The following KHDRBS2 variants were observed in gnomAD, a reference collection of about 807,000 sequenced individuals.
The protein encoded by KHDRBS2 is KH RNA binding domain containing, signal transduction associated 2.
In KHDRBS2, 26 loss-of-function variants were observed where a neutral mutation model predicts 44.3. The observed-to-expected ratio is 0.59, with a 90% CI of 0.43 to 0.81. The LOEUF (loss-of-function observed/expected upper bound fraction) is 0.81, where lower values mean the gene tolerates loss of function less well. KHDRBS2 is among the 40% of genes least tolerant of loss of function. The pLI is 0.00. For missense variants in KHDRBS2, 476 were observed against 433.1 expected (o/e 1.10, Z -0.88); for synonymous variants, 194 against 151.1 (o/e 1.28, Z -2.08).
Position 62,117,397 on chromosome 6 carries a change from C to A in KHDRBS2, c.219+59788G>T, listed in dbSNP as rs1401956755. Among the ~76,000 whole-genome samples the A allele has an allele frequency of 3.3e-5, 5 of 151,812 alleles. No individual in the cohort carries two copies. The East Asian group carries it at 9.6e-4, about 29-fold the overall frequency. ...ACATACCTGTTGACCATTTGGATATCTTTTTTTTGAGAGATGTCTATTCAA... is the reference window on the plus strand; with the variant it reads ...ACATACCTGTTGACCATTTGGATATATTTTTTTTGAGAGATGTCTATTCAA... On this transcript the variant is annotated intron_variant, in intron 2 of 8. Transcript: ENST00000281156.
rs184306393 is a variant in KHDRBS2, at chr6:61,921,173, A to T, written c.484-19802T>A. Reference sequence around the variant, plus strand: ...TAATCTCATCTTAAATTGCATGGTAATATCCTTGGGCAATGAGCCATACAA... The same window carrying T: ...TAATCTCATCTTAAATTGCATGGTATTATCCTTGGGCAATGAGCCATACAA... On this transcript the variant is annotated intron_variant, in intron 4 of 8. Transcript: ENST00000281156. Among the ~76,000 whole-genome samples, 118 of 152,130 alleles carry T rather than the reference A, an allele frequency of 7.8e-4. 1 individual carries two copies. The highest frequency in any genetic ancestry group is 2.7e-3 in the African/African-American group (114 of 41,546).
chr6:61,554,327 C>A, the KHDRBS2 span, among the ~76,000 whole-genome samples: 64 of 151,816 alleles, frequency 4.2e-4, 1 homozygote, highest in South Asian at 0.013. Context: ...AAGAGCAACC[C>A]CTGTTTTTTT....
chr6:61,800,324 A>AT (rs764137221), intron 6 of KHDRBS2, among the ~76,000 whole-genome samples: 1 of 152,156 alleles, frequency 6.6e-6, no homozygotes, highest in Non-Finnish European at 1.5e-5. Context: ...CCAGTCTAAA[A>AT]ATATATTTGA....
rs367921044 is a variant in KHDRBS2, at chr6:61,716,046, T to C, written c.893+16636A>G. On this transcript the variant is annotated intron_variant, in intron 7 of 8. Coordinates refer to ENST00000281156, the MANE Select transcript of KHDRBS2 (RefSeq NM_152688.4). ...GACAGGTAAAGACTATTATCCCTTC[T>C]CTTGAATCTGGCTGGACTTGTGAGG... 2.6e-4 allele frequency among the ~76,000 whole-genome samples: 40 copies of C among 152,008 alleles called. 1 individual carries two copies. The highest frequency in any genetic ancestry group is 2.1e-3 in the East Asian group (11 of 5,150).
At chr6:61,939,685 A>G (rs1255207462) in intron 4 of KHDRBS2, among the ~76,000 whole-genome samples, 1 of 152,222 alleles carries the variant, frequency 6.6e-6, no homozygotes, top group Non-Finnish European at 1.5e-5. Context: ...AATGAAGCTG[A>G]ATTTTAGACT....
chr6:62,014,895 G>A (rs779112102), intron 3 of KHDRBS2, among the ~76,000 whole-genome samples: 11 of 152,028 alleles, frequency 7.2e-5, no homozygotes, highest in Admixed American at 2.0e-4. Flanking sequence ...ATGTGGTTTC[G>A]TTTAGGAAGA....
At chr6:62,229,404 G>C (rs1462493474) in intron 1 of KHDRBS2, among the ~76,000 whole-genome samples, 1 of 152,168 alleles carries the variant, frequency 6.6e-6, no homozygotes, top group Non-Finnish European at 1.5e-5. Context: ...AGAGATGGCT[G>C]CTGCCCTTCC....
intron 2 of KHDRBS2, among the ~76,000 whole-genome samples, chr6:62,098,250 T>TG (rs1269316493): frequency 6.6e-6 from 1 of 151,744 alleles, no homozygotes; most frequent in Non-Finnish European, 1.5e-5. Flanking sequence ...AAACGTTTTT[T>TG]TTTTTTTTTT....
chr6:62,032,348 G>C (rs1784490010), intron 3 of KHDRBS2, among the ~76,000 whole-genome samples: 1 of 151,770 alleles, frequency 6.6e-6, no homozygotes, highest in African/African-American at 2.4e-5. Context: ...AGAGAGATTG[G>C]CCTAGTCTCC....
At chr6:62,225,828 G>A (rs143010548) in intron 1 of KHDRBS2, among the ~76,000 whole-genome samples, 1 of 152,066 alleles carries the variant, frequency 6.6e-6, no homozygotes, top group African/African-American at 2.4e-5. Context: ...TAGGATGATG[G>A]CTTCCTGCTT....
At chr6:61,950,844 T>C (rs1369820514) in intron 4 of KHDRBS2, among the ~76,000 whole-genome samples, 1 of 152,066 alleles carries the variant, frequency 6.6e-6, no homozygotes, top group East Asian at 1.9e-4. Flanking sequence ...ATATGAAATG[T>C]ACTAAATTCT....
chr6:61,591,111 C>G, the KHDRBS2 span, among the ~76,000 whole-genome samples: 3 of 152,156 alleles, frequency 2.0e-5, no homozygotes. Flanking sequence ...CAATTGATCA[C>G]TGTTTCTCAT....
chr6:62,108,582 C>G (rs562778855), intron 2 of KHDRBS2, among the ~76,000 whole-genome samples: 1 of 152,042 alleles, frequency 6.6e-6, no homozygotes. Flanking sequence ...TTTGACCCAG[C>G]CATCCCATTA....
At chr6:61,896,961 T>C (rs1321670395) in intron 5 of KHDRBS2, among the ~76,000 whole-genome samples, 1 of 152,198 alleles carries the variant, frequency 6.6e-6, no homozygotes, top group South Asian at 2.1e-4. Context: ...TTCCTCCTTA[T>C]TCGTTATCCT....
At chr6:61,555,895 G>A in the KHDRBS2 span, among the ~76,000 whole-genome samples, 1 of 152,166 alleles carries the variant, frequency 6.6e-6, no homozygotes, top group Non-Finnish European at 1.5e-5. Flanking sequence ...TGCTGTGCTG[G>A]AGAGGCCAAG....
chr6:61,596,618 C>T, the KHDRBS2 span, among the ~76,000 whole-genome samples: 1 of 151,986 alleles, frequency 6.6e-6, no homozygotes, highest in African/African-American at 2.4e-5. Context: ...AACTAGGCAA[C>T]CCTACATTTG....
chr6:62,071,357 T>C (rs1376194625), intron 2 of KHDRBS2, among the ~76,000 whole-genome samples: 1 of 152,230 alleles, frequency 6.6e-6, no homozygotes, highest in Non-Finnish European at 1.5e-5. Context: ...AGATTCCATT[T>C]GTCCATTTTG....
At chr6:62,108,169 G>A (rs1803978872) in intron 2 of KHDRBS2, among the ~76,000 whole-genome samples, 1 of 152,060 alleles carries the variant, frequency 6.6e-6, no homozygotes, top group South Asian at 2.1e-4. Context: ...CCTACAAAAT[G>A]GGAGAAAATT....
At chr6:61,831,216 G>A (rs1173241649) in intron 6 of KHDRBS2, among the ~76,000 whole-genome samples, 1 of 151,992 alleles carries the variant, frequency 6.6e-6, no homozygotes, top group Non-Finnish European at 1.5e-5. Context: ...GAGCTTTAAA[G>A]GACATTTCAA....
Sources: allele counts gnomAD v4.1 joint callset (sites outside exome capture counted in the v4.1 genomes callset), GRCh38; gene constraint gnomAD v4.1.1; transcripts MANE v1.5; gene names NCBI Gene and HGNC (gene_info 2026-07-23, HGNC 2026-07-21).